Variants in SLK observed in about 807,000 individuals in gnomAD.
The protein encoded by SLK is STE20 like kinase, also known as STE20-like serine/threonine-protein kinase.
SLK carries 67 observed loss-of-function variants against 147.7 expected under a neutral mutation model. The ratio of observed to expected loss-of-function variants is 0.45; its 90% CI spans 0.37 to 0.56. The LOEUF (loss-of-function observed/expected upper bound fraction) is 0.56, where lower values mean the gene tolerates loss of function less well. Among genes scored for constraint, SLK ranks in the 20% least tolerant of loss-of-function variants. The pLI is 0.00. For missense variants in SLK, 1,136 were observed against 1,438.8 expected, an observed-to-expected ratio of 0.79 and a Z score of 3.41; for synonymous variants, 441 against 475.0, an observed-to-expected ratio of 0.93 and a Z score of 0.93.
At chr10:103,976,123 A>G (rs1440041744) in intron 1 of SLK, among the ~76,000 whole-genome samples, 2 of 152,018 alleles carry the variant, frequency 1.3e-5, no homozygotes, top group Non-Finnish European at 2.9e-5. Context: ...GGCTGGTCTC[A>G]AATTCTTAGG....
intron 1 of SLK, among the ~76,000 whole-genome samples, chr10:103,984,558 C>T (rs542035321): frequency 5.3e-5 from 8 of 152,186 alleles, no homozygotes; most frequent in Non-Finnish European, 1.0e-4. Context: ...GGATTACAGG[C>T]GTGCACCACC....
At chr10:103,984,289 A>G (rs74904088) in intron 1 of SLK, among the ~76,000 whole-genome samples, 5,076 of 152,304 alleles carry the variant, frequency 0.033, 142 homozygotes, top group South Asian at 0.11. Context: ...AGGTAAAAAC[A>G]TTAAAATAAT....
chr10:103,997,588 T>C (rs1326538760), intron 4 of SLK, among the ~76,000 whole-genome samples: 1 of 152,194 alleles, frequency 6.6e-6, no homozygotes, highest in East Asian at 1.9e-4. Flanking sequence ...TCAACACTTT[T>C]TTTTTTTCTA....
chr10:103,998,668 A>G (rs1844206593), intron 4 of SLK, among the ~76,000 whole-genome samples: 1 of 152,200 alleles, frequency 6.6e-6, no homozygotes. Context: ...TCATCTGAAG[A>G]TAAGGTGGTA....
chr10:104,019,946 C>T, intron 16 of SLK, 24 bp downstream of exon 16: 1 of 1,569,318 alleles, frequency 6.4e-7, no homozygotes, highest in Non-Finnish European at 8.7e-7. Context: ...TTAGTCTCTT[C>T]TCTTTTAGGT....
intron 1 of SLK, among the ~76,000 whole-genome samples, chr10:103,984,090 A>G (rs1262455676): frequency 6.6e-6 from 1 of 152,172 alleles, no homozygotes; most frequent in Non-Finnish European, 1.5e-5. Flanking sequence ...TAAAATAATC[A>G]ATGTGATTTT....
At chr10:104,019,087 T>C in intron 15 of SLK, 179 bp downstream of exon 15, 1 of 530,824 alleles carries the variant, frequency 1.9e-6, no homozygotes, top group Admixed American at 3.9e-5. Context: ...ATTGCAAACT[T>C]CTTTTCTACA....
At chr10:104,019,989 C>A in intron 16 of SLK, 67 bp downstream of exon 16, 1 of 1,265,592 alleles carries the variant, frequency 7.9e-7, no homozygotes, top group Non-Finnish European at 1.1e-6. Flanking sequence ...AGAAGTTCTA[C>A]AAAATTCCTT....
intron 13 of SLK, among the ~76,000 whole-genome samples, chr10:104,011,564 T>TC (rs112371635): frequency 0.22 from 32,035 of 147,534 alleles, 3,670 homozygotes; most frequent in African/African-American, 0.32. Context: ...GGTGAATTCT[T>TC]TTTTTTTTTT....
intron 18 of SLK, among the ~76,000 whole-genome samples, chr10:104,024,289 C>G (rs953728570): frequency 6.6e-6 from 1 of 152,212 alleles, no homozygotes; most frequent in Non-Finnish European, 1.5e-5. Context: ...TTTCTTCCCA[C>G]TCGCCTGCCA....
intron 1 of SLK, chr10:103,974,824 C>CTCTTTTT (rs1215374355): frequency 8.5e-5 from 3 of 35,170 alleles, no homozygotes; most frequent in Non-Finnish European, 1.1e-4. Context: ...CTAATTTTTT[C>CTCTTTTT]TATTTTTTTT....
chr10:104,023,088 A>T (rs191773115), intron 18 of SLK, among the ~76,000 whole-genome samples: 12 of 152,352 alleles, frequency 7.9e-5, no homozygotes, highest in Admixed American at 5.9e-4. Context: ...AGTGGTCACA[A>T]GTGAGTTGCT....
chr10:103,994,981 A>C (rs1377403291), intron 4 of SLK, among the ~76,000 whole-genome samples: 1 of 152,196 alleles, frequency 6.6e-6, no homozygotes, highest in Non-Finnish European at 1.5e-5. Context: ...TGTTGCATCT[A>C]TTGAGGCTTA....
At chr10:103,969,559 T>A (rs1039013604) in intron 1 of SLK, among the ~76,000 whole-genome samples, 6 of 152,318 alleles carry the variant, frequency 3.9e-5, no homozygotes, top group Middle Eastern at 3.4e-3. Context: ...AAAGAATGTG[T>A]TTTGTCTGCA....
intron 15 of SLK, among the ~76,000 whole-genome samples, chr10:104,019,304 C>T (rs767853692): frequency 1.8e-4 from 28 of 152,092 alleles, no homozygotes; most frequent in Non-Finnish European, 3.2e-4. Flanking sequence ...GACAGAGTCT[C>T]GCTCTGTCAC....
intron 1 of SLK, among the ~76,000 whole-genome samples, chr10:103,987,711 T>C (rs1844036509): frequency 6.6e-6 from 1 of 152,224 alleles, no homozygotes; most frequent in African/African-American, 2.4e-5. Flanking sequence ...ATCTGATTCC[T>C]AACGTTAAAA....
intron 2 of SLK, among the ~76,000 whole-genome samples, chr10:103,991,771 TA>T (rs1375945001): frequency 2.0e-5 from 3 of 152,086 alleles, no homozygotes; most frequent in African/African-American, 7.2e-5. Flanking sequence ...CCTAATTAGT[TA>T]AAAATATGTT....
At chr10:104,012,743 C>T (rs1160339949) in intron 13 of SLK, among the ~76,000 whole-genome samples, 3 of 152,138 alleles carry the variant, frequency 2.0e-5, no homozygotes, top group African/African-American at 7.2e-5. Flanking sequence ...CTTAAACTCT[C>T]GTCAGCTTGA....
chr10:103,988,138 CTGTT>C (rs1844042892), intron 1 of SLK, among the ~76,000 whole-genome samples: 1 of 152,166 alleles, frequency 6.6e-6, no homozygotes, highest in Non-Finnish European at 1.5e-5. Context: ...TTAACAAGGT[CTGTT>C]TGTACACAAT....
Sources: gnomAD v4.1 joint callset for allele counts (sites outside exome capture counted in the v4.1 genomes callset) on GRCh38, gnomAD v4.1.1 for gene constraint, MANE v1.5 for transcripts, NCBI Gene and HGNC (gene_info 2026-07-23, HGNC 2026-07-21) for gene names.